The following SEMA5A variants were observed in gnomAD, a reference collection of about 807,000 sequenced individuals.
The protein encoded by SEMA5A is semaphorin-5A.
A neutral mutation model predicts 135.5 loss-of-function variants in SEMA5A; 55 were observed. That is an observed-to-expected ratio of 0.41 (90% CI 0.33 to 0.51). The LOEUF is 0.51. SEMA5A is among the 20% of genes least tolerant of loss of function. SEMA5A has a pLI of 0.37. For synonymous variants in SEMA5A, 580 were observed against 546.5 expected, an observed-to-expected ratio of 1.06 and a Z score of -0.85; for missense variants, 1,290 against 1,419.9, an observed-to-expected ratio of 0.91 and a Z score of 1.47.
At chr5:9,349,353 A>C (rs1165781791) in intron 3 of SEMA5A, among the ~76,000 whole-genome samples, 2 of 152,232 alleles carry the variant, frequency 1.3e-5, no homozygotes, top group African/African-American at 4.8e-5. Flanking sequence ...AGTACCTGCT[A>C]CATAGAAGAA....
rs1745448674 is a variant in SEMA5A at position 9,197,323 on chromosome 5, G to GAGA, written c.933-23_933-21dup. The GAGA allele has an allele frequency of 2.6e-6, 4 of 1,518,740 alleles. No homozygotes were observed. The South Asian group carries it at 4.6e-5, about 17-fold the overall frequency. The allele number at this position is 1,518,740 out of a possible 1,614,324, so 94.1% of individuals were successfully genotyped here. On this transcript the variant is annotated intron_variant, in intron 9 of 22. Coordinates refer to ENST00000382496, the MANE Select transcript of SEMA5A (RefSeq NM_003966.3). ...CTGTTCCTGGGAGCGGAGGGAGAGA[G>GAGA]AGAAGGCAGTCAGAGAGCTCGGCAG...
chr5:9,193,686 T>A (rs1376682061), intron 10 of SEMA5A, among the ~76,000 whole-genome samples: 4 of 152,056 alleles, frequency 2.6e-5, no homozygotes. Flanking sequence ...GATCACGAGG[T>A]CAGGAGTTCA....
At chr5:9,476,806 C>G (rs1759683513) in intron 1 of SEMA5A, among the ~76,000 whole-genome samples, 1 of 152,064 alleles carries the variant, frequency 6.6e-6, no homozygotes, top group Admixed American at 6.5e-5. Context: ...GATTTGGTGG[C>G]TCATATCTGT....
chr5:9,274,057 G>C (rs1218209535), intron 5 of SEMA5A, among the ~76,000 whole-genome samples: 1 of 152,030 alleles, frequency 6.6e-6, no homozygotes, highest in Non-Finnish European at 1.5e-5. Flanking sequence ...ATTGGATAAA[G>C]AGTCAAGACC....
In SEMA5A at chr5:9,039,685, A is replaced by G. The variant is rs1483238680; in HGVS notation, c.*3212T>C. The G allele has an allele frequency of 6.6e-6, 1 of 152,210 alleles. No homozygotes were observed. Among genetic ancestry groups the G allele is most frequent in the Non-Finnish European group, 1.5e-5 (1 of 68,072 alleles). 9.4% of individuals were successfully genotyped at this position (152,210 alleles called of 1,614,324 possible). A position where few individuals can be genotyped will look rare whatever the true frequency, so the allele number is the denominator to read the frequency against. On this transcript the variant is annotated 3_prime_UTR_variant, in exon 23 of 23. Transcript: ENST00000382496. ...AGGGGAATGGGGAGTTCTGGAGGGAACGCCATGAGTCTGGAGACTGTGGCT... is the reference window on the plus strand; with the variant it reads ...AGGGGAATGGGGAGTTCTGGAGGGAGCGCCATGAGTCTGGAGACTGTGGCT...
At chr5:9,452,906 A>G (rs2126708816) in intron 1 of SEMA5A, among the ~76,000 whole-genome samples, 1 of 152,294 alleles carries the variant, frequency 6.6e-6, no homozygotes, top group East Asian at 1.9e-4. Flanking sequence ...TCATCCAGGA[A>G]GAAGGACTAC....
chr5:9,520,284 G>A (rs903247353), intron 1 of SEMA5A, among the ~76,000 whole-genome samples: 20 of 152,218 alleles, frequency 1.3e-4, no homozygotes, highest in Non-Finnish European at 1.5e-4. Context: ...GCTCTGCCTC[G>A]TGGGACCCAC....
intron 8 of SEMA5A, among the ~76,000 whole-genome samples, chr5:9,221,571 G>C (rs1218024997): frequency 6.6e-6 from 1 of 152,118 alleles, no homozygotes; most frequent in East Asian, 1.9e-4. Context: ...CAAAGTGCTG[G>C]GATTACAGGC....
At chr5:9,214,824 T>C (rs1806029) in intron 8 of SEMA5A, among the ~76,000 whole-genome samples, 4,465 of 152,238 alleles carry the variant, frequency 0.029, 236 homozygotes, top group African/African-American at 0.1. Context: ...GAGATAGTAA[T>C]TCAGATATAG....
At chr5:9,130,431 C>T (rs1353489714) in intron 13 of SEMA5A, among the ~76,000 whole-genome samples, 1 of 152,152 alleles carries the variant, frequency 6.6e-6, no homozygotes, top group Non-Finnish European at 1.5e-5. Flanking sequence ...AGCATCATCC[C>T]TAAGCCTATC....
At chr5:9,388,767 C>T (rs974255408) in intron 2 of SEMA5A, among the ~76,000 whole-genome samples, 8 of 152,010 alleles carry the variant, frequency 5.3e-5, no homozygotes, top group South Asian at 2.1e-4. Flanking sequence ...GGCATGGTAG[C>T]GGGCACCTGC....
At chr5:9,273,850 G>A (rs1482090323) in intron 5 of SEMA5A, among the ~76,000 whole-genome samples, 1 of 152,006 alleles carries the variant, frequency 6.6e-6, no homozygotes, top group Non-Finnish European at 1.5e-5. Context: ...CACTAAACAT[G>A]GAAAGGAACA....
intron 10 of SEMA5A, among the ~76,000 whole-genome samples, chr5:9,192,454 A>G (rs937327833): frequency 3.3e-5 from 5 of 152,226 alleles, no homozygotes; most frequent in African/African-American, 7.2e-5. Context: ...TGAATGGTAA[A>G]TGCATTGGTC....
chr5:9,380,216 G>A (rs1384871781), intron 2 of SEMA5A, 193 bp from the exon 3 acceptor site: 8 of 405,628 alleles, frequency 2.0e-5, no homozygotes, highest in Non-Finnish European at 2.2e-5. Flanking sequence ...GCGTGAGTGC[G>A]TGTATCTCAA....
At chr5:9,128,091 G>C (rs1216510516) in intron 13 of SEMA5A, among the ~76,000 whole-genome samples, 1 of 152,164 alleles carries the variant, frequency 6.6e-6, no homozygotes, top group African/African-American at 2.4e-5. Context: ...TATGAAGAAA[G>C]TACTTTGAAA....
At chr5:9,388,816 A>G (rs1232668945) in intron 2 of SEMA5A, among the ~76,000 whole-genome samples, 5 of 151,898 alleles carry the variant, frequency 3.3e-5, no homozygotes, top group Non-Finnish European at 5.9e-5. Flanking sequence ...GGAGAATGGC[A>G]TGAACCTGGG....
At chr5:9,404,348 C>T (rs184487842) in intron 2 of SEMA5A, among the ~76,000 whole-genome samples, 64 of 152,306 alleles carry the variant, frequency 4.2e-4, no homozygotes, top group African/African-American at 1.5e-3. Flanking sequence ...CATTAGCTGC[C>T]TGCCATGAAG....
At chr5:9,141,975 A>G (rs1169171039) in intron 12 of SEMA5A, among the ~76,000 whole-genome samples, 1 of 152,204 alleles carries the variant, frequency 6.6e-6, no homozygotes, top group Non-Finnish European at 1.5e-5. Flanking sequence ...TGGGATTTTA[A>G]AAGTGTTTCA....
intron 3 of SEMA5A, among the ~76,000 whole-genome samples, chr5:9,367,853 T>C (rs2126417375): frequency 6.6e-6 from 1 of 152,206 alleles, no homozygotes; most frequent in East Asian, 1.9e-4. Context: ...TCATGTAACA[T>C]CTGGTTGTTA....
Sources: allele counts gnomAD v4.1 joint callset (sites outside exome capture counted in the v4.1 genomes callset), GRCh38; gene constraint gnomAD v4.1.1; transcripts MANE v1.5; gene names NCBI Gene and HGNC (gene_info 2026-07-23, HGNC 2026-07-21).